The following HCK variants were observed in gnomAD, a reference collection of about 807,000 sequenced individuals.
HCK encodes HCK proto-oncogene, Src family tyrosine kinase.
Under a neutral mutation model 70.4 loss-of-function variants are expected in HCK, and 40 were observed. That is an observed-to-expected ratio of 0.57 (90% CI 0.44 to 0.74). The LOEUF is 0.74. HCK is among the 30% of genes least tolerant of loss of function. HCK has a pLI of 0.00. For synonymous variants in HCK, 245 were observed against 263.2 expected (o/e 0.93, Z 0.67); for missense variants, 568 against 697.2 (o/e 0.81, Z 2.09).
At chr20:32,063,673 G>T (rs1276643308) in intron 1 of HCK, among the ~76,000 whole-genome samples, 2 of 151,940 alleles carry the variant, frequency 1.3e-5, no homozygotes, top group African/African-American at 2.4e-5. Flanking sequence ...ACCAAAACCT[G>T]GTATCAGGGA....
At chr20:32,071,972 G>A (rs2045547612) in intron 2 of HCK, 190 bp downstream of exon 2, 1 of 652,098 alleles carries the variant, frequency 1.5e-6, no homozygotes, top group South Asian at 2.1e-5. Flanking sequence ...GGGCAAAGAA[G>A]TCATCTCTCT....
At chr20:32,056,951 C>T (rs2045281689) in intron 1 of HCK, among the ~76,000 whole-genome samples, 1 of 152,190 alleles carries the variant, frequency 6.6e-6, no homozygotes, top group African/African-American at 2.4e-5. Flanking sequence ...CAACCTCCTC[C>T]CTCCCTTGCC....
At chr20:32,070,850 GAGAA>G (rs935067770) in intron 1 of HCK, among the ~76,000 whole-genome samples, 2 of 150,504 alleles carry the variant, frequency 1.3e-5, no homozygotes, top group African/African-American at 4.9e-5. Flanking sequence ...GAGAGACAGA[GAGAA>G]AGAGAGGAGG....
chr20:32,070,359 C>T (rs1485811264), intron 1 of HCK, among the ~76,000 whole-genome samples: 1 of 152,172 alleles, frequency 6.6e-6, no homozygotes, highest in Non-Finnish European at 1.5e-5. Flanking sequence ...CCTTACTGGC[C>T]CTACAGGATA....
chr20:32,080,129 A>G (rs2045688564), intron 6 of HCK, among the ~76,000 whole-genome samples: 1 of 152,224 alleles, frequency 6.6e-6, no homozygotes, highest in African/African-American at 2.4e-5. Flanking sequence ...TTAGGCCCTG[A>G]AAACAAAGAA....
intron 1 of HCK, among the ~76,000 whole-genome samples, chr20:32,068,334 A>T (rs1260518855): frequency 1.3e-5 from 2 of 151,946 alleles, no homozygotes; most frequent in African/African-American, 4.8e-5. Context: ...TTAAAAAAAA[A>T]TAAAAACTAA....
Position 32,073,299 on chromosome 20 carries a change from C to T in HCK, c.184-20C>T, listed in dbSNP as rs1453030443. The T allele has an allele frequency of 2.5e-6, 4 of 1,608,140 alleles. No individual in the cohort carries two copies. Among genetic ancestry groups the T allele is most frequent in the Non-Finnish European group, 2.6e-6 (3 of 1,175,786 alleles). The stretch of plus-strand genomic sequence containing the variant: ...ACACATTGGTCAGATTCATTCTCTT[C>T]TCTCATTTCTTCCCCACAGGGGCCT... On this transcript the variant is annotated intron_variant, in intron 2 of 12. Transcript: ENST00000375852.
chr20:32,098,949 G>T, intron 11 of HCK, 55 bp from the exon 12 acceptor site: 4 of 1,591,178 alleles, frequency 2.5e-6, no homozygotes, highest in Non-Finnish European at 3.4e-6. Context: ...CCTTAGCAGA[G>T]CCAACCCTCA....
intron 1 of HCK, among the ~76,000 whole-genome samples, chr20:32,067,173 C>T (rs905588550): frequency 5.6e-4 from 85 of 152,310 alleles, no homozygotes; most frequent in East Asian, 1.2e-3. Context: ...CATGGCCCCT[C>T]CTATGTTTAC....
In HCK at chr20:32,052,375, G is replaced by C; in HGVS notation, c.-50G>C. Reference sequence around the variant, plus strand: ...AGCGTCGCCCCCGCCTCTAGTTCTAGAAAGTCAGTTTCCCGGCACTGGCAC... The same window carrying C: ...AGCGTCGCCCCCGCCTCTAGTTCTACAAAGTCAGTTTCCCGGCACTGGCAC... On this transcript the variant is annotated 5_prime_UTR_variant, in exon 1 of 13. Transcript: ENST00000375852. 7.9e-7 allele frequency: 1 copy of C among 1,264,048 alleles called. No homozygotes were observed. Among genetic ancestry groups the C allele is most frequent in the Non-Finnish European group, 1.0e-6 (1 of 988,482 alleles). 78.3% of individuals were successfully genotyped at this position (1,264,048 alleles called of 1,614,324 possible). A position where few individuals can be genotyped will look rare whatever the true frequency, so the allele number is the denominator to read the frequency against.
At chr20:32,094,807 A>AAAG in intron 11 of HCK, among the ~76,000 whole-genome samples, 1 of 89,342 alleles carries the variant, frequency 1.1e-5, no homozygotes, top group Non-Finnish European at 2.7e-5. Flanking sequence ...GAAAGAAAGA[A>AAAG]AGAAAGAAAG....
Position 32,073,759 on chromosome 20 carries a change from G to A in HCK, c.270G>A (p.Glu90=). ...TCGTGGTTGCCCTGTATGATTACGAGGCCATTCACCACGAAGACCTCAGCT... is the reference window on the plus strand; with the variant it reads ...TCGTGGTTGCCCTGTATGATTACGAAGCCATTCACCACGAAGACCTCAGCT... The change falls in exon 4 of 13, where the codon GAG becomes GAA. Residue 90 remains glutamate (E), a synonymous_variant. Transcript: ENST00000375852. 6.4e-7 allele frequency: 1 copy of A among 1,558,082 alleles called. No homozygotes were observed. The highest frequency in any genetic ancestry group is 2.4e-5 in the East Asian group (1 of 41,696).
chr20:32,067,812 T>C (rs11696958), intron 1 of HCK, among the ~76,000 whole-genome samples: 20 of 152,226 alleles, frequency 1.3e-4, no homozygotes, highest in Non-Finnish European at 2.6e-4. Context: ...AGCTGAGATG[T>C]GCTCTAACAG....
intron 1 of HCK, among the ~76,000 whole-genome samples, chr20:32,062,418 G>A (rs2045393322): frequency 6.6e-6 from 1 of 152,170 alleles, no homozygotes. Flanking sequence ...AATTGACCAA[G>A]TGTCCCAAGA....
chr20:32,057,684 C>T (rs1042094823), intron 1 of HCK, among the ~76,000 whole-genome samples: 2 of 152,214 alleles, frequency 1.3e-5, no homozygotes, highest in African/African-American at 4.8e-5. Flanking sequence ...AGCACAATCT[C>T]TCTCAGCCTC....
At chr20:32,084,365 T>G in intron 7 of HCK, 26 bp from the exon 8 acceptor site, 4 of 1,596,908 alleles carry the variant, frequency 2.5e-6, no homozygotes, top group Non-Finnish European at 3.4e-6. Flanking sequence ...CTTGTTGCTC[T>G]CAATTGACCA....
At chr20:32,100,236 T>C (rs2122261599) in intron 12 of HCK, among the ~76,000 whole-genome samples, 1 of 152,176 alleles carries the variant, frequency 6.6e-6, no homozygotes, top group East Asian at 1.9e-4. Context: ...AGAGACAAGG[T>C]ATTGCTATGT....
chr20:32,075,149 T>C (rs1177577795), intron 5 of HCK, among the ~76,000 whole-genome samples: 2 of 152,160 alleles, frequency 1.3e-5, no homozygotes, highest in Non-Finnish European at 2.9e-5. Flanking sequence ...GGAGGGTTTC[T>C]GGAGAGGTGA....
At chr20:32,090,524 TG>T (rs1256215077) in intron 10 of HCK, among the ~76,000 whole-genome samples, 2 of 152,104 alleles carry the variant, frequency 1.3e-5, no homozygotes, top group Non-Finnish European at 2.9e-5. Flanking sequence ...TGAAGCAGGG[TG>T]GGGGGCTTAT....
Sources: gnomAD v4.1 joint callset for allele counts (sites outside exome capture counted in the v4.1 genomes callset) on GRCh38, gnomAD v4.1.1 for gene constraint, MANE v1.5 for transcripts, NCBI Gene and HGNC (gene_info 2026-07-23, HGNC 2026-07-21) for gene names.